Variants in KCNAB1 observed in about 807,000 individuals in gnomAD.
KCNAB1 encodes potassium voltage-gated channel subfamily A regulatory beta subunit 1.
A neutral mutation model predicts 64.6 loss-of-function variants in KCNAB1; 35 were observed. The observed-to-expected ratio is 0.54, with a 90% CI of 0.41 to 0.72. The LOEUF is 0.72. Among genes scored for constraint, KCNAB1 ranks in the 30% least tolerant of loss-of-function variants. The pLI is 0.00. For missense variants in KCNAB1, 401 were observed against 512.9 expected (o/e 0.78, Z 2.11); for synonymous variants, 177 against 183.8 (o/e 0.96, Z 0.30).
chr3:156,263,028 G>A lies in KCNAB1; in HGVS notation c.275+142142G>A, dbSNP rs529399468. Among the ~76,000 whole-genome samples, 20 of 151,856 alleles carry A rather than the reference G, an allele frequency of 1.3e-4. No homozygotes were observed. The South Asian group carries it at 4.1e-3, about 31-fold the overall frequency. On this transcript the variant is annotated intron_variant, in intron 1 of 13. Coordinates refer to ENST00000490337, the MANE Select transcript of KCNAB1 (RefSeq NM_172160.3). Reference sequence around the variant, plus strand: ...TTTTAATTTCTGATTTGGGTAATTTGTTTTCAGTCAGTCTAGCTAAGTTTT... The same window carrying A: ...TTTTAATTTCTGATTTGGGTAATTTATTTTCAGTCAGTCTAGCTAAGTTTT...
intron 1 of KCNAB1, among the ~76,000 whole-genome samples, chr3:156,373,142 G>A (rs941158611): frequency 6.6e-6 from 1 of 152,232 alleles, no homozygotes; most frequent in Non-Finnish European, 1.5e-5. Flanking sequence ...GCAGCTCTGA[G>A]CTTCTTAGGT....
At chr3:156,356,123 A>T (rs73164709) in intron 1 of KCNAB1, among the ~76,000 whole-genome samples, 1 of 148,878 alleles carries the variant, frequency 6.7e-6, no homozygotes, top group African/African-American at 2.5e-5. Flanking sequence ...CCCTGTAAAA[A>T]AAAAAAAAAA....
intron 8 of KCNAB1, among the ~76,000 whole-genome samples, chr3:156,475,747 G>A (rs544549117): frequency 4.7e-4 from 72 of 152,280 alleles, no homozygotes; most frequent in African/African-American, 1.6e-3. Flanking sequence ...GTAAAGAGTG[G>A]TTCTTGTTAT....
At chr3:156,412,203 A>G (rs956684982) in intron 1 of KCNAB1, among the ~76,000 whole-genome samples, 6 of 152,310 alleles carry the variant, frequency 3.9e-5, no homozygotes, top group Middle Eastern at 6.8e-3. Context: ...TAGGAATACA[A>G]TTGACTTTTA....
intron 5 of KCNAB1, among the ~76,000 whole-genome samples, chr3:156,461,656 T>A (rs1712918465): frequency 6.6e-6 from 1 of 152,142 alleles, no homozygotes; most frequent in Non-Finnish European, 1.5e-5. Flanking sequence ...GGAGTACATC[T>A]AAGGAAGGAG....
chr3:156,477,443 C>T (rs1290595494), intron 8 of KCNAB1, among the ~76,000 whole-genome samples: 1 of 152,080 alleles, frequency 6.6e-6, no homozygotes, highest in Non-Finnish European at 1.5e-5. Flanking sequence ...AGCAATCAAC[C>T]ACCTCATGCT....
At position 156,249,026 on chromosome 3, in the gene KCNAB1, G is replaced by T. The variant is rs201999437; in HGVS notation, c.275+128140G>T. Among the ~76,000 whole-genome samples, 145 of 90,686 alleles carry T rather than the reference G, an allele frequency of 1.6e-3. No individual in the cohort carries two copies. The East Asian group carries it at 0.032, about 20-fold the overall frequency. The allele number at this position is 90,686 out of a possible 152,430, so 59.5% of individuals were successfully genotyped here. A position where few individuals can be genotyped will look rare whatever the true frequency, so the allele number is the denominator to read the frequency against. ...TGGAGATTTCGATAGAAATCTGGTT[G>T]TGTTTTTTTTTTTAATTTTTTAATT... On this transcript the variant is annotated intron_variant, in intron 1 of 13. Transcript: ENST00000490337.
chr3:156,142,069 A>G (rs1421013873), intron 1 of KCNAB1, among the ~76,000 whole-genome samples: 1 of 152,120 alleles, frequency 6.6e-6, no homozygotes, highest in Non-Finnish European at 1.5e-5. Context: ...ATGTTTGTTC[A>G]TATCTTTTGC....
chr3:156,127,075 G>A (rs1280637011), intron 1 of KCNAB1, among the ~76,000 whole-genome samples: 1 of 152,144 alleles, frequency 6.6e-6, no homozygotes, highest in East Asian at 1.9e-4. Context: ...ATGAAATGAT[G>A]TAAATCATCT....
In KCNAB1 at chr3:156,294,540, T is replaced by C. The variant is rs578191542; in HGVS notation, c.276-127076T>C. 2.2e-3 allele frequency among the ~76,000 whole-genome samples: 341 copies of C among 152,374 alleles called. 1 individual carries two copies. Among genetic ancestry groups the C allele is most frequent in the African/African-American group, 7.6e-3 (315 of 41,596 alleles). ...TAAAAAATGATAGAAGTAACTTTTA[T>C]TAGCTAAATTATCCTTTTTTACATT... On this transcript the variant is annotated intron_variant, in intron 1 of 13. Coordinates refer to ENST00000490337, the MANE Select transcript of KCNAB1 (RefSeq NM_172160.3).
intron 1 of KCNAB1, among the ~76,000 whole-genome samples, chr3:156,353,292 G>A (rs989576313): frequency 5.3e-5 from 8 of 151,558 alleles, no homozygotes; most frequent in African/African-American, 9.7e-5. Flanking sequence ...TCTCCTCCTC[G>A]TCCTTCCTTC....
chr3:156,278,119 T>C (rs1217415039), intron 1 of KCNAB1, among the ~76,000 whole-genome samples: 1 of 152,104 alleles, frequency 6.6e-6, no homozygotes, highest in East Asian at 1.9e-4. Flanking sequence ...ATGAATGGAA[T>C]AAAAAAGAAG....
intron 1 of KCNAB1, among the ~76,000 whole-genome samples, chr3:156,390,168 G>A (rs1712923838): frequency 6.6e-6 from 1 of 152,230 alleles, no homozygotes. Flanking sequence ...AGCTCTAGCT[G>A]AGATCAGAAG....
At chr3:156,204,776 T>C (rs1714550992) in intron 1 of KCNAB1, among the ~76,000 whole-genome samples, 1 of 152,048 alleles carries the variant, frequency 6.6e-6, no homozygotes, top group Non-Finnish European at 1.5e-5. Flanking sequence ...GAGGTTGCAA[T>C]GAACCGGATT....
chr3:156,257,158 C>T (rs1378389656), intron 1 of KCNAB1, among the ~76,000 whole-genome samples: 1 of 152,176 alleles, frequency 6.6e-6, no homozygotes, highest in Non-Finnish European at 1.5e-5. Flanking sequence ...CATTTTCCTG[C>T]CAGGACTTGA....
intron 1 of KCNAB1, among the ~76,000 whole-genome samples, chr3:156,395,505 A>C (rs1713370889): frequency 8.0e-6 from 1 of 124,632 alleles, no homozygotes; most frequent in South Asian, 2.9e-4. Flanking sequence ...AGATCCCGCC[A>C]CTGCACTCCA....
intron 2 of KCNAB1, among the ~76,000 whole-genome samples, chr3:156,433,400 G>A (rs1167683626): frequency 2.0e-5 from 3 of 152,180 alleles, no homozygotes. Context: ...GGACCACACA[G>A]TCAGTACTCT....
intron 3 of KCNAB1, among the ~76,000 whole-genome samples, chr3:156,456,308 C>T (rs1225555890): frequency 6.6e-6 from 1 of 152,080 alleles, no homozygotes; most frequent in Non-Finnish European, 1.5e-5. Context: ...GTGTACATAT[C>T]CAATAATATA....
At chr3:156,305,835 T>G in intron 1 of KCNAB1, among the ~76,000 whole-genome samples, 1 of 152,222 alleles carries the variant, frequency 6.6e-6, no homozygotes, top group Non-Finnish European at 1.5e-5. Flanking sequence ...CATTTCCTGG[T>G]CATTGTCTGG....
Sources: allele counts gnomAD v4.1 joint callset (sites outside exome capture counted in the v4.1 genomes callset), GRCh38; gene constraint gnomAD v4.1.1; transcripts MANE v1.5; gene names NCBI Gene and HGNC (gene_info 2026-07-23, HGNC 2026-07-21).